The following DLG2 variants were observed in gnomAD, a reference collection of about 807,000 sequenced individuals.
The protein encoded by DLG2 is discs large MAGUK scaffold protein 2.
In DLG2, 45 loss-of-function variants were observed where a neutral mutation model predicts 132.5. The ratio of observed to expected loss-of-function variants is 0.34; its 90% CI spans 0.27 to 0.44. The LOEUF (loss-of-function observed/expected upper bound fraction) is 0.44, where lower values mean the gene tolerates loss of function less well. Ranked by LOEUF, DLG2 falls within the 20% of genes least tolerant of loss-of-function variation. DLG2 has a pLI of 1.00. For missense variants in DLG2, 1,045 were observed against 1,196.9 expected (o/e 0.87, Z 1.87); for synonymous variants, 424 against 419.6 (o/e 1.01, Z -0.13).
chr11:84,539,549 T>G (rs2099363075), intron 6 of DLG2, among the ~76,000 whole-genome samples: 1 of 152,202 alleles, frequency 6.6e-6, no homozygotes, highest in African/African-American at 2.4e-5. Context: ...CTCCTCAGCT[T>G]GGTCTGTTGA....
chr11:83,586,965 A>G (rs941035100), intron 19 of DLG2, among the ~76,000 whole-genome samples: 5 of 152,342 alleles, frequency 3.3e-5, no homozygotes, highest in Admixed American at 1.3e-4. Flanking sequence ...TGACACTAGT[A>G]AATGAGGCTT....
At chr11:84,020,328 T>A (rs369717658) in intron 11 of DLG2, among the ~76,000 whole-genome samples, 11 of 152,232 alleles carry the variant, frequency 7.2e-5, no homozygotes, top group African/African-American at 2.6e-4. Context: ...TATATATAGA[T>A]ATAGATGATA....
At position 83,686,501 on chromosome 11, in the gene DLG2, G is replaced by A. The variant is rs150147294; in HGVS notation, c.1826-53176C>T. On this transcript the variant is annotated intron_variant, in intron 18 of 27. Transcript: ENST00000376104. The stretch of plus-strand genomic sequence containing the variant: ...ATGTAAGCTCCATGAGGCCAGGGTC[G>A]TTGTCTTTTTTGTCCTTGGTTGAAT... Among the ~76,000 whole-genome samples the A allele has an allele frequency of 1.4e-3, 211 of 152,180 alleles. 7 individuals are homozygous for A. The highest frequency in any genetic ancestry group is 2.6e-3 in the African/African-American group (110 of 41,538).
chr11:83,499,895 A>ATATATCTATC (rs1296866569), intron 21 of DLG2, among the ~76,000 whole-genome samples: 3 of 114,522 alleles, frequency 2.6e-5, no homozygotes, highest in African/African-American at 1.0e-4. Flanking sequence ...ATATATATAT[A>ATATATCTATC]TATCAGTTCT....
chr11:85,251,590 G>T (rs2076399174), intron 4 of DLG2, among the ~76,000 whole-genome samples: 1 of 151,992 alleles, frequency 6.6e-6, no homozygotes, highest in South Asian at 2.1e-4. Flanking sequence ...GAGGCTTAAA[G>T]AAGCTTTTTA....
At chr11:85,071,140 G>A (rs1484567182) in intron 6 of DLG2, among the ~76,000 whole-genome samples, 1 of 151,868 alleles carries the variant, frequency 6.6e-6, no homozygotes, top group African/African-American at 2.4e-5. Flanking sequence ...AAAGCTATCA[G>A]AACACTGTCT....
intron 16 of DLG2, among the ~76,000 whole-genome samples, chr11:83,845,769 A>C (rs1443793925): frequency 6.6e-6 from 1 of 152,210 alleles, no homozygotes; most frequent in African/African-American, 2.4e-5. Context: ...TTGGAGCTAC[A>C]TAGATCTAGG....
At chr11:83,774,610 A>C (rs2094516853) in intron 18 of DLG2, among the ~76,000 whole-genome samples, 1 of 151,984 alleles carries the variant, frequency 6.6e-6, no homozygotes, top group Non-Finnish European at 1.5e-5. Context: ...GGAAGTAAGG[A>C]AATTCTTAAC....
intron 7 of DLG2, among the ~76,000 whole-genome samples, chr11:84,410,027 C>A (rs1386323233): frequency 6.6e-6 from 1 of 152,160 alleles, no homozygotes; most frequent in Non-Finnish European, 1.5e-5. Flanking sequence ...AAATATCATA[C>A]AGTACATGAA....
intron 7 of DLG2, among the ~76,000 whole-genome samples, chr11:84,314,057 A>G (rs1374048697): frequency 2.0e-5 from 3 of 152,200 alleles, no homozygotes; most frequent in Admixed American, 6.5e-5. Context: ...AGGAGTTTGG[A>G]AAAGAGCCTT....
intron 17 of DLG2, among the ~76,000 whole-genome samples, chr11:83,826,047 G>A (rs2052673922): frequency 6.6e-6 from 1 of 151,964 alleles, no homozygotes; most frequent in Admixed American, 6.6e-5. Context: ...AATTCTGTGG[G>A]CTGTGTTAAC....
chr11:84,128,795 AG>A (rs1182121366), intron 9 of DLG2, among the ~76,000 whole-genome samples: 9 of 152,200 alleles, frequency 5.9e-5, no homozygotes, highest in African/African-American at 1.7e-4. Flanking sequence ...AAAAATCACA[AG>A]GGGGAAAAAA....
intron 18 of DLG2, among the ~76,000 whole-genome samples, chr11:83,674,964 A>G (rs587103): frequency 0.33 from 50,344 of 152,196 alleles, 8,557 homozygotes; most frequent in African/African-American, 0.38. Context: ...AGAATGTTTT[A>G]TCATTGCATT....
intron 4 of DLG2, among the ~76,000 whole-genome samples, chr11:85,270,053 C>T (rs2077432119): frequency 6.6e-6 from 1 of 152,068 alleles, no homozygotes; most frequent in Admixed American, 6.6e-5. Flanking sequence ...CAGAGTTCTC[C>T]AGAGAAACAG....
Position 83,930,426 on chromosome 11 carries a change from G to A in DLG2, c.1398C>T (p.Pro466=). ...VNKLCDKPAS[P]RHYSPVECDK... ...CACACTCAACAGGGGAATAGTGCCT[G>A]GGAGAAGCAGGCTTATCACATAGTT... is the stretch of plus-strand genomic sequence containing the variant. Residue 466 remains proline (P), a synonymous_variant, in exon 15 of 28, where the codon CCC becomes CCT. Transcript: ENST00000376104. 6.2e-7 allele frequency: 1 copy of A among 1,614,024 alleles called. No homozygotes were observed. Among genetic ancestry groups the A allele is most frequent in the Non-Finnish European group, 8.5e-7 (1 of 1,179,896 alleles).
At chr11:84,503,781 C>G (rs2099229744) in intron 7 of DLG2, among the ~76,000 whole-genome samples, 1 of 152,220 alleles carries the variant, frequency 6.6e-6, no homozygotes, top group Admixed American at 6.5e-5. Context: ...AAAAACTAGA[C>G]CTCAGTGAAG....
rs897906719 is a variant in DLG2 at position 84,169,788 on chromosome 11, G to A, written c.574-6277C>T. On this transcript the variant is annotated intron_variant, in intron 8 of 27. Coordinates refer to ENST00000376104, the MANE Select transcript of DLG2 (RefSeq NM_001142699.3). ...CTCTGGAGGCTGAGGCATGAGAATC[G>A]CTTGAAGCAGGGAGGCAGAGGTTAC... Among the ~76,000 whole-genome samples, 9 of 151,760 alleles carry A rather than the reference G, an allele frequency of 5.9e-5. No homozygotes were observed. In the East Asian group the frequency reaches 9.7e-4, roughly 16 times the overall value.
chr11:85,359,020 A>G (rs1272109137), intron 3 of DLG2, among the ~76,000 whole-genome samples: 1 of 152,218 alleles, frequency 6.6e-6, no homozygotes, highest in African/African-American at 2.4e-5. Flanking sequence ...CCAAAAATTT[A>G]AAAACCTCCA....
At chr11:84,996,129 C>T (rs2057627944) in intron 6 of DLG2, among the ~76,000 whole-genome samples, 1 of 151,906 alleles carries the variant, frequency 6.6e-6, no homozygotes. Context: ...ATCATGACAA[C>T]ATAATATAAA....
Sources: gnomAD v4.1 joint callset for allele counts (sites outside exome capture counted in the v4.1 genomes callset) on GRCh38, gnomAD v4.1.1 for gene constraint, MANE v1.5 for transcripts, NCBI Gene and HGNC (gene_info 2026-07-23, HGNC 2026-07-21) for gene names.